GFOD1: variants seen among roughly 807,000 people sequenced by gnomAD.
GFOD1 encodes the protein glucose-fructose oxidoreductase domain-containing protein 1.
In GFOD1, 9 loss-of-function variants were observed where a neutral mutation model predicts 25.4. The observed-to-expected ratio is 0.35, with a 90% CI of 0.21 to 0.62. The LOEUF (loss-of-function observed/expected upper bound fraction) is 0.62, where lower values mean the gene tolerates loss of function less well. Ranked by LOEUF, GFOD1 falls within the 20% of genes least tolerant of loss-of-function variation. The pLI is 0.72. For synonymous variants in GFOD1, 253 were observed against 245.6 expected (o/e 1.03, Z -0.28); for missense variants, 403 against 556.9 (o/e 0.72, Z 2.78).
At chr6:13,386,984 A>C (rs1428567414) in intron 1 of GFOD1, among the ~76,000 whole-genome samples, 1 of 152,086 alleles carries the variant, frequency 6.6e-6, no homozygotes, top group Non-Finnish European at 1.5e-5. Context: ...CCTCCATCTC[A>C]TTTCTCAGAG....
rs78728315 is a variant in GFOD1 at position 13,431,910 on chromosome 6, C to T, written c.253+54728G>A. On this transcript the variant is annotated intron_variant, in intron 1 of 1. Coordinates refer to ENST00000379287, the MANE Select transcript of GFOD1 (RefSeq NM_018988.4). ...GATTGTTCAGAGCCTGTGCCTCTAA[C>T]GGCAGATTTCATGAAAAAAGCAATT... Among the ~76,000 whole-genome samples the T allele has an allele frequency of 4.7e-3, 711 of 152,296 alleles. 1 individual carries two copies. Among genetic ancestry groups the T allele is most frequent in the African/African-American group, 0.016 (656 of 41,552 alleles).
intron 1 of GFOD1, among the ~76,000 whole-genome samples, chr6:13,366,742 C>A (rs1358228260): frequency 1.3e-5 from 2 of 152,042 alleles, no homozygotes; most frequent in African/African-American, 4.8e-5. Flanking sequence ...TGGTCCCCTA[C>A]CCTCTAAGTC....
intron 1 of GFOD1, among the ~76,000 whole-genome samples, chr6:13,457,911 G>A (rs1400945759): frequency 2.0e-5 from 3 of 152,164 alleles, no homozygotes; most frequent in East Asian, 3.9e-4. Context: ...GTCCCAGGGC[G>A]ATGCCTGGAC....
intron 1 of GFOD1, among the ~76,000 whole-genome samples, chr6:13,447,815 T>A (rs1423528571): frequency 1.1e-5 from 1 of 92,856 alleles, no homozygotes; most frequent in African/African-American, 4.0e-5. Context: ...AAGGCATCAA[T>A]CAAAAAAGTA....
intron 1 of GFOD1, among the ~76,000 whole-genome samples, chr6:13,425,912 C>G (rs1046559774): frequency 6.6e-6 from 1 of 151,566 alleles, no homozygotes; most frequent in African/African-American, 2.4e-5. Flanking sequence ...AAAAGAAACT[C>G]GCAGAAAGAA....
chr6:13,441,806 G>A (rs1156636113), intron 1 of GFOD1, among the ~76,000 whole-genome samples: 1 of 152,194 alleles, frequency 6.6e-6, no homozygotes, highest in Non-Finnish European at 1.5e-5. Flanking sequence ...GTGATAGATA[G>A]ATAGATACAT....
intron 1 of GFOD1, among the ~76,000 whole-genome samples, chr6:13,421,757 G>A (rs1403139315): frequency 2.0e-5 from 3 of 152,166 alleles, no homozygotes; most frequent in Admixed American, 1.3e-4. Flanking sequence ...GGCCTGACTA[G>A]GATGAACATC....
chr6:13,476,335 C>G (rs192240603), intron 1 of GFOD1, among the ~76,000 whole-genome samples: 27 of 152,268 alleles, frequency 1.8e-4, no homozygotes. Flanking sequence ...TGAAAGAACT[C>G]AAGCACAAAT....
At chr6:13,390,777 G>GGA (rs1195738735) in intron 1 of GFOD1, among the ~76,000 whole-genome samples, 5,009 of 75,412 alleles carry the variant, frequency 0.066, 428 homozygotes, top group African/African-American at 0.22. Context: ...GAGAGAGAGA[G>GGA]AGAAAGGAAG....
chr6:13,401,618 A>G (rs1785845970), intron 1 of GFOD1, among the ~76,000 whole-genome samples: 1 of 152,260 alleles, frequency 6.6e-6, no homozygotes. Context: ...AATACATTTA[A>G]GAAGTACAAA....
At chr6:13,481,120 G>C (rs1309827149) in intron 1 of GFOD1, among the ~76,000 whole-genome samples, 1 of 152,170 alleles carries the variant, frequency 6.6e-6, no homozygotes, top group African/African-American at 2.4e-5. Flanking sequence ...AAGAAAGCAA[G>C]CAAGCAAATG....
chr6:13,369,689 C>T (rs579028), intron 1 of GFOD1, among the ~76,000 whole-genome samples: 80,142 of 151,920 alleles, frequency 0.53, 21,487 homozygotes, highest in East Asian at 0.68. Flanking sequence ...CTATGAGCAA[C>T]GCAAATACCC....
chr6:13,393,075 G>A (rs1198599608), intron 1 of GFOD1, among the ~76,000 whole-genome samples: 1 of 151,884 alleles, frequency 6.6e-6, no homozygotes, highest in African/African-American at 2.4e-5. Flanking sequence ...AAGAAAAAGG[G>A]CTGGGTGTGG....
chr6:13,468,429 A>C (rs1056964333), intron 1 of GFOD1, among the ~76,000 whole-genome samples: 2 of 152,212 alleles, frequency 1.3e-5, no homozygotes, highest in African/African-American at 4.8e-5. Flanking sequence ...AGTAATCACA[A>C]ATAAGGCTTC....
chr6:13,470,729 G>A (rs1339767630), intron 1 of GFOD1: 16 of 1,422,264 alleles, frequency 1.1e-5, no homozygotes, highest in African/African-American at 8.7e-5. Context: ...AGAAGAGCCT[G>A]CCAGGGACAC....
intron 1 of GFOD1, among the ~76,000 whole-genome samples, chr6:13,476,956 C>A (rs906977485): frequency 2.6e-5 from 4 of 151,996 alleles, no homozygotes; most frequent in African/African-American, 9.7e-5. Context: ...AGTGTGACAG[C>A]CTCTTTACCA....
chr6:13,446,645 G>A (rs943454514), intron 1 of GFOD1, among the ~76,000 whole-genome samples: 9 of 152,274 alleles, frequency 5.9e-5, no homozygotes, highest in East Asian at 1.9e-4. Flanking sequence ...CGAATCACAC[G>A]TGTAGGCCAC....
intron 1 of GFOD1, among the ~76,000 whole-genome samples, chr6:13,475,400 C>T (rs1030983533): frequency 2.6e-4 from 40 of 151,888 alleles, no homozygotes; most frequent in Non-Finnish European, 1.2e-4. Context: ...ATGGTGAAAA[C>T]CCATCTCTAC....
chr6:13,363,727 A>C lies in GFOD1; in HGVS notation c.*1016T>G, dbSNP rs1207264268. 1 of 151,348 alleles carries C rather than the reference A, an allele frequency of 6.6e-6. No individual in the cohort carries two copies. Among genetic ancestry groups the C allele is most frequent in the African/African-American group, 2.4e-5 (1 of 41,164 alleles). The allele number at this position is 151,348 out of a possible 1,614,324, so 9.4% of individuals were successfully genotyped here. A position where few individuals can be genotyped will look rare whatever the true frequency, so the allele number is the denominator to read the frequency against. On this transcript the variant is annotated 3_prime_UTR_variant, in exon 2 of 2. Coordinates refer to ENST00000379287, the MANE Select transcript of GFOD1 (RefSeq NM_018988.4). ...AACACCTCCTGGCTAGGCTCACTTTACCCTCTATTTAGGAATTCACACTGC... is the reference window on the plus strand; with the variant it reads ...AACACCTCCTGGCTAGGCTCACTTTCCCCTCTATTTAGGAATTCACACTGC...
Sources: gnomAD v4.1 joint callset for allele counts (sites outside exome capture counted in the v4.1 genomes callset) on GRCh38, gnomAD v4.1.1 for gene constraint, MANE v1.5 for transcripts, NCBI Gene and HGNC (gene_info 2026-07-23, HGNC 2026-07-21) for gene names.